The following TSNAX variants were observed in gnomAD, a reference collection of about 807,000 sequenced individuals.
TSNAX encodes translin-associated protein X.
Under a neutral mutation model 33.0 loss-of-function variants are expected in TSNAX, and 12 were observed. The observed-to-expected ratio is 0.36, with a 90% CI of 0.23 to 0.59. The LOEUF is 0.59. TSNAX is among the 20% of genes least tolerant of loss of function. The pLI, the probability that TSNAX is intolerant of heterozygous loss-of-function variation, is 0.74. For synonymous variants in TSNAX, 110 were observed against 117.2 expected, an observed-to-expected ratio of 0.94 and a Z score of 0.40; for missense variants, 267 against 341.3, an observed-to-expected ratio of 0.78 and a Z score of 1.72.
In TSNAX at chr1:231,564,694, T is replaced by C. The variant is rs780661031; in HGVS notation, c.662T>C (p.Leu221Ser). ...ACCCCCTTTGAAGTGAGCCAGTTTT[T>C]ACGTCAGGTTTATGATGGGTTTTCA... ...IDTPFEVSQF[L>S]RQVYDGFSFI... The change falls in exon 6 of 6, where the codon TTA becomes TCA. Residue 221 changes from leucine (L) to serine (S), a missense_variant. Around this residue, in one of 2 missense-constraint regions of TSNAX, gnomAD observed 67 missense variants for 127.2 expected, o/e 0.53. Transcript: ENST00000366639. The C allele has an allele frequency of 6.2e-7, 1 of 1,614,174 alleles. No homozygotes were observed. The highest frequency in any genetic ancestry group is 1.1e-5 in the South Asian group (1 of 91,088).
At chr1:231,547,210 G>A (rs1219900586) in intron 4 of TSNAX, among the ~76,000 whole-genome samples, 1 of 152,030 alleles carries the variant, frequency 6.6e-6, no homozygotes, top group Non-Finnish European at 1.5e-5. Context: ...CTGGTGAGAA[G>A]ACTTTTAGTT....
intron 5 of TSNAX, 58 bp from the exon 6 acceptor site, chr1:231,564,470 A>T: frequency 6.5e-7 from 1 of 1,541,862 alleles, no homozygotes; most frequent in Non-Finnish European, 8.7e-7. Context: ...TCTTTTTCAC[A>T]GTGTTCTTTC....
At chr1:231,534,344 A>G (rs1659008554) in intron 2 of TSNAX, 1 of 152,194 alleles carries the variant, frequency 6.6e-6, no homozygotes, top group African/African-American at 2.4e-5. Flanking sequence ...TATTTTAGAA[A>G]TGTCACTCTG....
chr1:231,554,984 T>A (rs909303178), intron 4 of TSNAX, among the ~76,000 whole-genome samples: 3 of 152,264 alleles, frequency 2.0e-5, no homozygotes, highest in African/African-American at 7.2e-5. Context: ...AGATCCATAC[T>A]CTTAACATGT....
At chr1:231,552,022 G>A (rs1019459805) in intron 4 of TSNAX, among the ~76,000 whole-genome samples, 13 of 151,908 alleles carry the variant, frequency 8.6e-5, no homozygotes, top group Admixed American at 4.6e-4. Flanking sequence ...CATTCCAGGC[G>A]CGGTGGCTTA....
At chr1:231,554,611 ATTG>A (rs1375733267) in intron 4 of TSNAX, 6 of 152,324 alleles carry the variant, frequency 3.9e-5, no homozygotes, top group Non-Finnish European at 8.8e-5. Context: ...CATTTAAACT[ATTG>A]TTGTAGGTAG....
At chr1:231,547,131 A>G (rs138254747) in intron 4 of TSNAX, among the ~76,000 whole-genome samples, 1 of 151,996 alleles carries the variant, frequency 6.6e-6, no homozygotes, top group Non-Finnish European at 1.5e-5. Context: ...TTGATTTAAC[A>G]TTTTTTTCTG....
intron 4 of TSNAX, among the ~76,000 whole-genome samples, chr1:231,556,603 C>T (rs1487563499): frequency 6.6e-6 from 1 of 152,094 alleles, no homozygotes; most frequent in Non-Finnish European, 1.5e-5. Flanking sequence ...GCTGCTTATC[C>T]TGTTTGTTGA....
intron 2 of TSNAX, among the ~76,000 whole-genome samples, chr1:231,530,586 C>T (rs1360889581): frequency 6.6e-6 from 1 of 151,958 alleles, no homozygotes; most frequent in Non-Finnish European, 1.5e-5. Flanking sequence ...AGCCGGGCGT[C>T]AGTAGTCCCC....
rs182814816 is a variant in TSNAX, at chr1:231,550,239, A to G, written c.367+7628A>G. ...CAGCCCAGTTCAGTCCATAACAGAT[A>G]CTTTTTGGTTTGTGCACTGCAGCTA... On this transcript the variant is annotated intron_variant, in intron 4 of 5. Coordinates refer to ENST00000366639, the MANE Select transcript of TSNAX (RefSeq NM_005999.3). Among the ~76,000 whole-genome samples, 68 of 152,256 alleles carry G rather than the reference A, an allele frequency of 4.5e-4. 1 individual carries two copies. Among genetic ancestry groups the G allele is most frequent in the Admixed American group, 4.4e-3 (68 of 15,300 alleles).
intron 4 of TSNAX, 135 bp from the exon 5 acceptor site, chr1:231,560,993 C>T: frequency 2.5e-6 from 2 of 808,546 alleles, no homozygotes. Flanking sequence ...AGTGTCTAGT[C>T]TAGTACTGGC....
At position 231,561,119 on chromosome 1, in the gene TSNAX, CG is replaced by C. The variant is rs1558138624; in HGVS notation, c.368-8del. On this transcript the variant is annotated splice_region_variant and splice_polypyrimidine_tract_variant and intron_variant, in intron 4 of 5. Coordinates refer to ENST00000366639, the MANE Select transcript of TSNAX (RefSeq NM_005999.3). ...TTATTCTTAGTAATTTTCTTTGTCA[CG>C]CTTTCAGGACTACAGGAATATGTGG... 6.2e-7 allele frequency: 1 copy of C among 1,602,692 alleles called. No individual in the cohort carries two copies. The highest frequency in any genetic ancestry group is 8.5e-7 in the Non-Finnish European group (1 of 1,177,100).
At chr1:231,556,341 C>A (rs1372939166) in intron 4 of TSNAX, among the ~76,000 whole-genome samples, 1 of 152,096 alleles carries the variant, frequency 6.6e-6, no homozygotes, top group Non-Finnish European at 1.5e-5. Flanking sequence ...ATATTTTGAA[C>A]TATTCTTCCA....
intron 4 of TSNAX, among the ~76,000 whole-genome samples, chr1:231,547,602 G>T (rs753023998): frequency 1.3e-5 from 2 of 151,522 alleles, no homozygotes; most frequent in African/African-American, 2.4e-5. Context: ...TGTTGACCAG[G>T]CTGGTCTCAA....
At chr1:231,561,040 AGAT>A in intron 4 of TSNAX, 85 bp from the exon 5 acceptor site, 1 of 1,331,822 alleles carries the variant, frequency 7.5e-7, no homozygotes, top group Non-Finnish European at 1.0e-6. Flanking sequence ...TTTTTGAACT[AGAT>A]GATGATCAAT....
At chr1:231,558,497 C>T (rs1660833033) in intron 4 of TSNAX, among the ~76,000 whole-genome samples, 1 of 152,158 alleles carries the variant, frequency 6.6e-6, no homozygotes, top group African/African-American at 2.4e-5. Flanking sequence ...AGTGATACAG[C>T]TATTACTGGT....
At chr1:231,561,078 CTTACTAA>C (rs1369377806) in intron 4 of TSNAX, 43 bp from the exon 5 acceptor site, 22 of 1,566,138 alleles carry the variant, frequency 1.4e-5, no homozygotes, top group Non-Finnish European at 1.9e-5. Flanking sequence ...TTATGACATT[CTTACTAA>C]TTAAGTGCTT....
At chr1:231,552,805 T>C (rs937000902) in intron 4 of TSNAX, among the ~76,000 whole-genome samples, 1 of 152,220 alleles carries the variant, frequency 6.6e-6, no homozygotes, top group South Asian at 2.1e-4. Context: ...GTCTCTATGG[T>C]AATTTGTCTA....
chr1:231,543,602 G>A (rs1356119612), intron 4 of TSNAX, among the ~76,000 whole-genome samples: 1 of 152,104 alleles, frequency 6.6e-6, no homozygotes, highest in Non-Finnish European at 1.5e-5. Flanking sequence ...AGTTTATTTG[G>A]TATCTGCTTA....
Sources: allele counts gnomAD v4.1 joint callset (sites outside exome capture counted in the v4.1 genomes callset), GRCh38; gene constraint gnomAD v4.1.1; regional missense constraint gnomAD v4.1.1; transcripts MANE v1.5; gene names NCBI Gene and HGNC (gene_info 2026-07-23, HGNC 2026-07-21).